Variants in SYCP1 observed in about 807,000 individuals in gnomAD.
SYCP1 encodes the protein synaptonemal complex protein 1, also known as cancer/testis antigen 8.
Under a neutral mutation model 153.1 loss-of-function variants are expected in SYCP1, and 64 were observed. The ratio of observed to expected loss-of-function variants is 0.42; its 90% CI spans 0.34 to 0.51. The LOEUF (loss-of-function observed/expected upper bound fraction) is 0.51. Among genes scored for constraint, SYCP1 ranks in the 20% least tolerant of loss-of-function variants. SYCP1 has a pLI of 0.06. For synonymous variants in SYCP1, 384 were observed against 341.8 expected (o/e 1.12, Z -1.36); for missense variants, 997 against 1,049.0 (o/e 0.95, Z 0.68).
At chr1:114,879,182 T>A (rs1456603219) in intron 12 of SYCP1, among the ~76,000 whole-genome samples, 1 of 152,174 alleles carries the variant, frequency 6.6e-6, no homozygotes, top group Non-Finnish European at 1.5e-5. Flanking sequence ...TTTTTCAAAC[T>A]TTTTTAAACG....
intron 23 of SYCP1, among the ~76,000 whole-genome samples, chr1:114,931,195 T>C (rs1669605936): frequency 6.6e-6 from 1 of 152,060 alleles, no homozygotes; most frequent in African/African-American, 2.4e-5. Context: ...TGAAAGGCAG[T>C]GTCAAGAGCA....
intron 15 of SYCP1, among the ~76,000 whole-genome samples, chr1:114,891,410 A>T (rs1570711950): frequency 6.6e-6 from 1 of 152,160 alleles, no homozygotes; most frequent in Admixed American, 6.5e-5. Flanking sequence ...TACAAATATG[A>T]TTATTCTATG....
chr1:114,988,040 G>A (rs1291749671), intron 30 of SYCP1, among the ~76,000 whole-genome samples: 2 of 140,076 alleles, frequency 1.4e-5, no homozygotes, highest in Non-Finnish European at 3.1e-5. Context: ...ATTGGTGAAC[G>A]TAAAGATAGA....
chr1:114,902,786 GTTTTTCCATCTA>G, intron 16 of SYCP1, among the ~76,000 whole-genome samples: 2 of 142,558 alleles, frequency 1.4e-5, no homozygotes, highest in African/African-American at 6.2e-5. Context: ...TGATGCCTCA[GTTTTTCCATCTA>G]TGAAATGGAA....
intron 30 of SYCP1, among the ~76,000 whole-genome samples, chr1:114,987,894 T>C (rs910866145): frequency 6.6e-6 from 1 of 150,920 alleles, no homozygotes; most frequent in East Asian, 2.0e-4. Context: ...TTTGTGTGAA[T>C]AAAATGAGAA....
intron 16 of SYCP1, among the ~76,000 whole-genome samples, chr1:114,906,278 A>G (rs1468886663): frequency 6.6e-6 from 1 of 151,748 alleles, no homozygotes; most frequent in Non-Finnish European, 1.5e-5. Flanking sequence ...CTTTTTTATT[A>G]GTCTGGTAGA....
chr1:114,979,690 GA>G (rs943434632), intron 28 of SYCP1, among the ~76,000 whole-genome samples: 2 of 151,704 alleles, frequency 1.3e-5, no homozygotes, highest in Non-Finnish European at 3.0e-5. Flanking sequence ...ATGCAATTCT[GA>G]AAAAATTCAT....
intron 23 of SYCP1, among the ~76,000 whole-genome samples, chr1:114,931,583 G>C (rs1669637302): frequency 6.6e-6 from 1 of 152,000 alleles, no homozygotes; most frequent in African/African-American, 2.4e-5. Flanking sequence ...AATGAAAGAA[G>C]ACCTAAGTAA....
intron 8 of SYCP1, among the ~76,000 whole-genome samples, chr1:114,874,244 G>A (rs182370166): frequency 1.3e-5 from 2 of 152,286 alleles, no homozygotes; most frequent in East Asian, 3.9e-4. Flanking sequence ...AAGGATCTGA[G>A]AAGAGTTATT....
chr1:114,919,128 TACTA>T (rs1257352865), intron 20 of SYCP1, among the ~76,000 whole-genome samples: 2 of 152,104 alleles, frequency 1.3e-5, no homozygotes, highest in Non-Finnish European at 2.9e-5. Context: ...TTCAGTATGA[TACTA>T]ACTGTGGGTC....
At chr1:114,967,698 T>C (rs1354357304) in intron 27 of SYCP1, among the ~76,000 whole-genome samples, 2 of 152,188 alleles carry the variant, frequency 1.3e-5, no homozygotes, top group South Asian at 2.1e-4. Flanking sequence ...GTTAATATTG[T>C]TGTGTGTGAA....
intron 30 of SYCP1, among the ~76,000 whole-genome samples, chr1:114,992,550 C>G (rs928093999): frequency 6.6e-6 from 1 of 151,516 alleles, no homozygotes; most frequent in Non-Finnish European, 1.5e-5. Flanking sequence ...GGGGAAGGAA[C>G]ATTTTTTTCA....
intron 14 of SYCP1, among the ~76,000 whole-genome samples, 157 bp from the exon 15 acceptor site, chr1:114,887,469 C>T (rs1666392199): frequency 6.6e-6 from 1 of 151,798 alleles, no homozygotes; most frequent in Non-Finnish European, 1.5e-5. Context: ...TAAAATGTTA[C>T]ACTATATGGT....
At chr1:114,896,416 C>A (rs1667060730) in intron 16 of SYCP1, among the ~76,000 whole-genome samples, 2 of 152,158 alleles carry the variant, frequency 1.3e-5, no homozygotes. Flanking sequence ...TTTATGAAAC[C>A]TCTCTTGATA....
At chr1:114,904,764 T>C (rs1667707139) in intron 16 of SYCP1, among the ~76,000 whole-genome samples, 1 of 152,222 alleles carries the variant, frequency 6.6e-6, no homozygotes, top group African/African-American at 2.4e-5. Flanking sequence ...AGTGGTGAGC[T>C]TGTAAATCTT....
intron 30 of SYCP1, among the ~76,000 whole-genome samples, chr1:114,988,371 A>T (rs12058079): frequency 0.015 from 2,323 of 152,128 alleles, 55 homozygotes; most frequent in African/African-American, 0.053. Flanking sequence ...ACATTTTATA[A>T]TCAAACTGTT....
chr1:114,883,880 A>C (rs1321812038), intron 12 of SYCP1, among the ~76,000 whole-genome samples: 1 of 151,962 alleles, frequency 6.6e-6, no homozygotes, highest in Non-Finnish European at 1.5e-5. Flanking sequence ...TTTAGTAGAG[A>C]CGGGGTTTCA....
chr1:114,962,843 A>C (rs1671867338), intron 27 of SYCP1, among the ~76,000 whole-genome samples: 1 of 152,156 alleles, frequency 6.6e-6, no homozygotes, highest in Non-Finnish European at 1.5e-5. Flanking sequence ...TCCTTTTAGC[A>C]GTTATTGTAG....
Position 114,902,067 on chromosome 1 carries a change from C to A in SYCP1, c.1320+6558C>A, listed in dbSNP as rs1366912726. Reference sequence around the variant, plus strand: ...CTTGGCAGGGAGTGCCAGCCAGCCTCGTGGGGCCCTTGGGTCATGCTTCCC... The same window carrying A: ...CTTGGCAGGGAGTGCCAGCCAGCCTAGTGGGGCCCTTGGGTCATGCTTCCC... On this transcript the variant is annotated intron_variant, in intron 16 of 31. Transcript: ENST00000369522. Among the ~76,000 whole-genome samples, 3 of 146,974 alleles carry A rather than the reference C, an allele frequency of 2.0e-5. No homozygotes were observed. The East Asian group carries it at 6.5e-4, about 32-fold the overall frequency.
Sources: allele counts gnomAD v4.1 joint callset (sites outside exome capture counted in the v4.1 genomes callset), GRCh38; gene constraint gnomAD v4.1.1; transcripts MANE v1.5; gene names NCBI Gene and HGNC (gene_info 2026-07-23, HGNC 2026-07-21).